The following CNTNAP5 variants were observed in gnomAD, a reference collection of about 807,000 sequenced individuals.
CNTNAP5 encodes contactin associated protein family member 5, also known as contactin-associated protein-like 5.
In CNTNAP5, 72 loss-of-function variants were observed where a neutral mutation model predicts 150.2. That is an observed-to-expected ratio of 0.48 (90% CI 0.40 to 0.58). The LOEUF is 0.58. Among genes scored for constraint, CNTNAP5 ranks in the 20% least tolerant of loss-of-function variants. The pLI is 0.00. For missense variants in CNTNAP5, 1,636 were observed against 1,626.2 expected (o/e 1.01, Z -0.10); for synonymous variants, 672 against 619.8 (o/e 1.08, Z -1.25).
chr2:124,661,645 T>C (rs1678593943), intron 13 of CNTNAP5, among the ~76,000 whole-genome samples: 1 of 152,164 alleles, frequency 6.6e-6, no homozygotes, highest in African/African-American at 2.4e-5. Flanking sequence ...ACCAGGAACA[T>C]AGTCATTTAT....
chr2:124,629,333 A>C (rs1677797087), intron 12 of CNTNAP5, among the ~76,000 whole-genome samples: 1 of 152,096 alleles, frequency 6.6e-6, no homozygotes, highest in Admixed American at 6.6e-5. Flanking sequence ...TCAGCAAATG[A>C]AGAACAACTG....
At chr2:124,516,003 C>A (rs1694707100) in intron 8 of CNTNAP5, among the ~76,000 whole-genome samples, 1 of 152,044 alleles carries the variant, frequency 6.6e-6, no homozygotes, top group African/African-American at 2.4e-5. Flanking sequence ...CAGAAAGAGA[C>A]AGGAGGCTGG....
intron 19 of CNTNAP5, among the ~76,000 whole-genome samples, chr2:124,862,862 C>G (rs947050539): frequency 1.3e-5 from 2 of 152,132 alleles, no homozygotes; most frequent in Non-Finnish European, 2.9e-5. Flanking sequence ...TGGAGGGATA[C>G]TTTAAGAGGC....
chr2:124,564,722 T>C (rs146285585), intron 11 of CNTNAP5, among the ~76,000 whole-genome samples: 238 of 152,256 alleles, frequency 1.6e-3, no homozygotes, highest in African/African-American at 5.2e-3. Flanking sequence ...TGAAAAAGTA[T>C]AGAAAGTTTG....
intron 13 of CNTNAP5, among the ~76,000 whole-genome samples, chr2:124,722,421 A>G (rs1680067680): frequency 6.6e-6 from 1 of 152,168 alleles, no homozygotes; most frequent in African/African-American, 2.4e-5. Flanking sequence ...CAATCACCAG[A>G]TAGACATTCT....
intron 22 of CNTNAP5, among the ~76,000 whole-genome samples, chr2:124,907,731 A>G (rs1473146719): frequency 5.3e-5 from 8 of 151,322 alleles, no homozygotes; most frequent in Admixed American, 2.0e-4. Flanking sequence ...CTGTGAAGAG[A>G]GAAGTACTAT....
intron 11 of CNTNAP5, among the ~76,000 whole-genome samples, chr2:124,608,355 T>C (rs1376018639): frequency 6.6e-6 from 1 of 152,210 alleles, no homozygotes; most frequent in Non-Finnish European, 1.5e-5. Flanking sequence ...GATTTATTCA[T>C]GTTAGCCTAA....
At chr2:124,081,301 C>A (rs79626230) in intron 1 of CNTNAP5, among the ~76,000 whole-genome samples, 11,768 of 152,124 alleles carry the variant, frequency 0.077, 595 homozygotes, top group Non-Finnish European at 0.12. Flanking sequence ...AGGAAATAAG[C>A]CTCCTATTTG....
intron 11 of CNTNAP5, among the ~76,000 whole-genome samples, chr2:124,573,938 T>C (rs1480199706): frequency 6.6e-6 from 1 of 152,216 alleles, no homozygotes; most frequent in Admixed American, 6.5e-5. Flanking sequence ...TATTTGAAAT[T>C]TGGCATTTCC....
intron 1 of CNTNAP5, among the ~76,000 whole-genome samples, chr2:124,140,264 G>T (rs1198292660): frequency 1.3e-5 from 2 of 151,292 alleles, no homozygotes; most frequent in Admixed American, 6.6e-5. Flanking sequence ...CAGCCGGGAA[G>T]CTCCAACTGG....
At chr2:124,325,560 A>G (rs1689195029) in intron 3 of CNTNAP5, among the ~76,000 whole-genome samples, 1 of 152,204 alleles carries the variant, frequency 6.6e-6, no homozygotes, top group Non-Finnish European at 1.5e-5. Flanking sequence ...GGCATAAGAT[A>G]AACTGGTAGA....
intron 6 of CNTNAP5, among the ~76,000 whole-genome samples, chr2:124,469,896 G>T (rs1388187931): frequency 6.6e-6 from 1 of 152,120 alleles, no homozygotes; most frequent in Admixed American, 6.6e-5. Flanking sequence ...TCCTGCAAAG[G>T]ACATGATCTC....
intron 12 of CNTNAP5, among the ~76,000 whole-genome samples, chr2:124,626,175 C>G (rs1386455197): frequency 1.3e-5 from 2 of 152,026 alleles, no homozygotes; most frequent in East Asian, 3.9e-4. Context: ...GTCAAGGAAG[C>G]ATTATGGGAG....
intron 1 of CNTNAP5, among the ~76,000 whole-genome samples, chr2:124,041,318 T>A (rs1448285967): frequency 6.6e-6 from 1 of 152,176 alleles, no homozygotes; most frequent in Non-Finnish European, 1.5e-5. Context: ...TTGTGGTTCA[T>A]CAGGAAATGA....
intron 1 of CNTNAP5, among the ~76,000 whole-genome samples, chr2:124,093,201 G>A (rs1183944863): frequency 6.6e-6 from 1 of 152,160 alleles, no homozygotes; most frequent in African/African-American, 2.4e-5. Context: ...AACCTGTGTT[G>A]GAATCTCATT....
intron 10 of CNTNAP5, among the ~76,000 whole-genome samples, chr2:124,533,338 C>G (rs886221693): frequency 1.3e-5 from 2 of 152,084 alleles, no homozygotes; most frequent in African/African-American, 4.8e-5. Context: ...ATCAGAATCA[C>G]CAGAAGTGCT....
At chr2:124,450,164 C>T (rs1692929881) in intron 6 of CNTNAP5, among the ~76,000 whole-genome samples, 1 of 151,988 alleles carries the variant, frequency 6.6e-6, no homozygotes, top group Admixed American at 6.6e-5. Context: ...TAGAGGACAA[C>T]AGTCGTGTCT....
chr2:124,575,635 C>T (rs369226893), intron 11 of CNTNAP5, among the ~76,000 whole-genome samples: 21 of 152,194 alleles, frequency 1.4e-4, no homozygotes, highest in East Asian at 5.8e-4. Context: ...CTATGCTCTG[C>T]TCTAGTATCA....
chr2:124,481,129 T>G (rs964831718), intron 7 of CNTNAP5, among the ~76,000 whole-genome samples: 19 of 152,294 alleles, frequency 1.2e-4, no homozygotes, highest in Admixed American at 9.2e-4. Context: ...GAGGGCTCCC[T>G]TCCAGGTTTT....
Sources: gnomAD v4.1 joint callset for allele counts (sites outside exome capture counted in the v4.1 genomes callset) on GRCh38, gnomAD v4.1.1 for gene constraint, MANE v1.5 for transcripts, NCBI Gene and HGNC (gene_info 2026-07-23, HGNC 2026-07-21) for gene names.